The following MRTFB variants were observed in gnomAD, a reference collection of about 807,000 sequenced individuals.
The protein encoded by MRTFB is myocardin related transcription factor B, also known as myocardin-related transcription factor B.
A neutral mutation model predicts 104.2 loss-of-function variants in MRTFB; 29 were observed. That is an observed-to-expected ratio of 0.28 (90% CI 0.21 to 0.38). MRTFB has a LOEUF of 0.38. Ranked by LOEUF, MRTFB falls within the 10% of genes least tolerant of loss-of-function variation. The pLI is 1.00. For missense variants in MRTFB, 1,270 were observed against 1,341.6 expected (o/e 0.95, Z 0.83); for synonymous variants, 535 against 519.5 (o/e 1.03, Z -0.41).
At chr16:14,229,414 CTTAG>C (rs1403402209) in intron 8 of MRTFB, among the ~76,000 whole-genome samples, 3 of 152,202 alleles carry the variant, frequency 2.0e-5, no homozygotes, top group African/African-American at 7.2e-5. Context: ...ATTTTGCCAT[CTTAG>C]TTAAGAACTC....
intron 2 of MRTFB, among the ~76,000 whole-genome samples, chr16:14,087,735 G>A (rs1335558828): frequency 1.3e-5 from 2 of 152,314 alleles, no homozygotes; most frequent in South Asian, 2.1e-4. Flanking sequence ...ATTGCTGTCA[G>A]TGTGAAAGGA....
rs550197665 is a variant in MRTFB at position 14,258,361 on chromosome 16, C to T, written c.2764+200C>T. ...GGTGCGGTGGCTCACGTCTATGATC[C>T]CAGCACTTTGGGAGTCTGAGCCCAG... On this transcript the variant is annotated intron_variant, in intron 16 of 16. Transcript: ENST00000571589. Among the ~76,000 whole-genome samples, 6 of 152,218 alleles carry T rather than the reference C, an allele frequency of 3.9e-5. No homozygotes were observed. In the South Asian group the frequency reaches 1.2e-3, roughly 32 times the overall value.
chr16:14,166,217 C>CTT (rs35113283), intron 3 of MRTFB, among the ~76,000 whole-genome samples: 3,993 of 112,436 alleles, frequency 0.036, 190 homozygotes, highest in African/African-American at 0.1. Flanking sequence ...GTTTTCTTTT[C>CTT]TTTTTTTTTT....
the MRTFB span, among the ~76,000 whole-genome samples, chr16:13,997,195 C>T: frequency 1.3e-5 from 2 of 152,210 alleles, no homozygotes; most frequent in Non-Finnish European, 2.9e-5. Context: ...TTCACGCAGA[C>T]ATGGGGGGCA....
At chr16:14,254,729 ACAG>A (rs1470684135) in intron 15 of MRTFB, among the ~76,000 whole-genome samples, 2 of 152,266 alleles carry the variant, frequency 1.3e-5, no homozygotes, top group African/African-American at 4.8e-5. Context: ...TCTGAGAATA[ACAG>A]CAGAATTCAC....
At chr16:14,006,885 C>A in the MRTFB span, among the ~76,000 whole-genome samples, 1 of 151,876 alleles carries the variant, frequency 6.6e-6, no homozygotes, top group East Asian at 1.9e-4. Context: ...GGTATGGTGG[C>A]AAATGCCTAT....
chr16:14,058,758 G>A, the MRTFB span, among the ~76,000 whole-genome samples: 45 of 118,574 alleles, frequency 3.8e-4, 1 homozygote, highest in Admixed American at 3.4e-3. Context: ...TCGCTCTGTC[G>A]CCCAGGCTGG....
chr16:14,152,618 C>G (rs929895462), intron 3 of MRTFB: 1 of 151,956 alleles, frequency 6.6e-6, no homozygotes, highest in African/African-American at 2.4e-5. Flanking sequence ...AGATTTGGAG[C>G]CTGGAGAACT....
the MRTFB span, among the ~76,000 whole-genome samples, chr16:14,060,827 A>G: frequency 6.6e-6 from 1 of 152,088 alleles, no homozygotes; most frequent in African/African-American, 2.4e-5. Context: ...ATGCTATGAC[A>G]GCCATCAACC....
the MRTFB span, among the ~76,000 whole-genome samples, chr16:14,050,634 A>G: frequency 6.6e-6 from 1 of 152,210 alleles, no homozygotes; most frequent in Non-Finnish European, 1.5e-5. Context: ...AAGCAGAATG[A>G]CTTTCTCACT....
chr16:14,137,461 C>T (rs1039421044), intron 2 of MRTFB, among the ~76,000 whole-genome samples: 1 of 152,010 alleles, frequency 6.6e-6, no homozygotes, highest in Non-Finnish European at 1.5e-5. Context: ...AAAGGATCTT[C>T]CAAATCATTA....
intron 8 of MRTFB, among the ~76,000 whole-genome samples, chr16:14,229,553 C>T (rs576017881): frequency 5.3e-5 from 8 of 152,280 alleles, no homozygotes; most frequent in South Asian, 4.1e-4. Context: ...AGGAACAGTC[C>T]GGAAGCAATG....
chr16:14,074,070 T>TG (rs1317183601), intron 1 of MRTFB, among the ~76,000 whole-genome samples: 1 of 152,116 alleles, frequency 6.6e-6, no homozygotes, highest in African/African-American at 2.4e-5. Context: ...TTTGGCTTTT[T>TG]TTTGTTGAAT....
intron 2 of MRTFB, among the ~76,000 whole-genome samples, chr16:14,134,578 G>A (rs985115398): frequency 1.3e-5 from 2 of 152,210 alleles, no homozygotes; most frequent in Non-Finnish European, 2.9e-5. Context: ...TTGAGAGCAG[G>A]GATCATGATT....
rs1455632385 is a variant in MRTFB, at chr16:14,213,565, C to G, written c.297C>G (p.His99Gln). The G allele has an allele frequency of 1.9e-6, 3 of 1,600,572 alleles. No homozygotes were observed. Among genetic ancestry groups the G allele is most frequent in the Admixed American group, 3.5e-5 (2 of 57,802 alleles). Reference protein sequence around the residue: ...ERARTENFLKHKIRSRPDRSE... With the variant: ...ERARTENFLKQKIRSRPDRSE... ...TAAAGACTGAAAACTTTTTGAAACA[C>G]AAGATTCGGAGTCGACCAGATCGTT... The change falls in exon 6 of 17, where the codon CAC becomes CAG. Residue 99 changes from histidine (H) to glutamine (Q), a missense_variant. Coordinates refer to ENST00000571589, the MANE Select transcript of MRTFB (RefSeq NM_001308142.2).
At chr16:14,017,580 C>G in the MRTFB span, among the ~76,000 whole-genome samples, 1 of 123,240 alleles carries the variant, frequency 8.1e-6, no homozygotes. Flanking sequence ...GAAAAGAGAA[C>G]TGACTGACTA....
chr16:14,033,852 AAAG>A, the MRTFB span, among the ~76,000 whole-genome samples: 50 of 146,416 alleles, frequency 3.4e-4, no homozygotes, highest in African/African-American at 6.7e-4. Flanking sequence ...AAAAAAAAAA[AAAG>A]AAGAAGAAGA....
rs1235565244 is a variant in MRTFB, at chr16:14,247,167, C to T, written c.1907C>T (p.Ser636Phe). The change falls in exon 12 of 17, where the codon TCC becomes TTC. Residue 636 changes from serine (S) to phenylalanine (F), a missense_variant. By Grantham distance (155) the Ser-to-Phe change is radical. Transcript: ENST00000571589. ...GATCAGAAGCACGGCAGCCTTGGCT[C>T]CTCCATCAAAGATGAGGCCTCACTC... Reference protein sequence around the residue: ...KSDQKHGSLGSSIKDEASLPD... With the variant: ...KSDQKHGSLGFSIKDEASLPD... The T allele has an allele frequency of 4.3e-6, 7 of 1,614,164 alleles. No homozygotes were observed. Among genetic ancestry groups the T allele is most frequent in the African/African-American group, 2.7e-5 (2 of 75,064 alleles).
At chr16:14,037,937 A>G in the MRTFB span, among the ~76,000 whole-genome samples, 1 of 152,200 alleles carries the variant, frequency 6.6e-6, no homozygotes. Flanking sequence ...GACATTGGCC[A>G]AGTCATCTCT....
Sources: gnomAD v4.1 joint callset for allele counts (sites outside exome capture counted in the v4.1 genomes callset) on GRCh38, gnomAD v4.1.1 for gene constraint, MANE v1.5 for transcripts, NCBI Gene and HGNC (gene_info 2026-07-23, HGNC 2026-07-21) for gene names.